The following PRKN variants were observed in gnomAD, a reference collection of about 807,000 sequenced individuals.
The protein encoded by PRKN is E3 ubiquitin-protein ligase parkin.
In PRKN, 56 loss-of-function variants were observed where a neutral mutation model predicts 59.5. That is an observed-to-expected ratio of 0.94 (90% CI 0.76 to 1.18). The LOEUF is 1.18. Among genes scored for constraint, PRKN ranks in the 50% most tolerant of loss-of-function variants. The probability of loss-of-function intolerance (pLI) is 0.00; values close to 1 mark genes in which losing one functional copy is unlikely to be tolerated. For missense variants in PRKN, 657 were observed against 596.4 expected (o/e 1.10, Z -1.06); for synonymous variants, 250 against 222.1 (o/e 1.13, Z -1.12).
chr6:162,558,359 C>T (rs1413584822), intron 1 of PRKN, among the ~76,000 whole-genome samples: 24 of 130,738 alleles, frequency 1.8e-4, no homozygotes, highest in East Asian at 7.4e-4. Flanking sequence ...GACGGAGTTT[C>T]GCTCTTCTTG....
chr6:161,372,825 A>ATTTTTTTT lies in PRKN; in HGVS notation c.1168-12628_1168-12621dup, dbSNP rs11293379. On this transcript the variant is annotated intron_variant, in intron 10 of 11. Coordinates refer to ENST00000366898, the MANE Select transcript of PRKN (RefSeq NM_004562.3). The surrounding 1 kb of genome is among the most constrained non-coding windows in gnomAD (Gnocchi z 4.2). ...TGGTCAACAAAGACAGAGAGACCCT[A>ATTTTTTTT]TTTTTTTTTTTTTTTTTTTTTTGAG... is the stretch of plus-strand genomic sequence containing the variant. 3.5e-5 allele frequency among the ~76,000 whole-genome samples: 4 copies of ATTTTTTTT among 114,440 alleles called. No individual in the cohort carries two copies. The highest frequency in any genetic ancestry group is 5.4e-5 in the Non-Finnish European group (3 of 55,730). The allele number at this position is 114,440 out of a possible 152,430, so 75.1% of individuals were successfully genotyped here. A position where few individuals can be genotyped will look rare whatever the true frequency, so the allele number is the denominator to read the frequency against.
In PRKN at chr6:162,576,810, C is replaced by CAAA. The variant is rs573857313; in HGVS notation, c.8-133340_8-133338dup. On this transcript the variant is annotated intron_variant, in intron 1 of 11. Transcript: ENST00000366898. ...CATGGGTGACAGAGTGAGACTCCGT[C>CAAA]AAAAAAAAAAAAAAAAAAAAAAGGG... Among the ~76,000 whole-genome samples the CAAA allele has an allele frequency of 8.6e-4, 79 of 92,336 alleles. 1 individual carries two copies. The highest frequency in any genetic ancestry group is 6.0e-3 in the Middle Eastern group (1 of 168). 60.6% of individuals were successfully genotyped at this position (92,336 alleles called of 152,430 possible). A position where few individuals can be genotyped will look rare whatever the true frequency, so the allele number is the denominator to read the frequency against.
chr6:161,719,249 T>C (rs1434568956), intron 7 of PRKN, among the ~76,000 whole-genome samples: 2 of 151,878 alleles, frequency 1.3e-5, no homozygotes, highest in Admixed American at 1.3e-4. Context: ...TATTTTTAAG[T>C]ATTTCTCAAG....
intron 7 of PRKN, among the ~76,000 whole-genome samples, chr6:161,727,006 G>A (rs189046417): frequency 6.6e-6 from 1 of 152,094 alleles, no homozygotes; most frequent in African/African-American, 2.4e-5. Context: ...CTGACTTCTC[G>A]GTTCCCCTCT....
At chr6:161,818,617 G>A (rs887987890) in intron 6 of PRKN, among the ~76,000 whole-genome samples, 1 of 152,050 alleles carries the variant, frequency 6.6e-6, no homozygotes, top group Non-Finnish European at 1.5e-5. Flanking sequence ...CTGGGTGTGA[G>A]CCACCGTGCC....
chr6:161,463,853 TC>T lies in PRKN; in HGVS notation c.1084-76977del, dbSNP rs1790324531. Among the ~76,000 whole-genome samples the T allele has an allele frequency of 6.6e-6, 1 of 152,168 alleles. No homozygotes were observed. The highest frequency in any genetic ancestry group is 2.4e-5 in the African/African-American group (1 of 41,446). ...CACCTAAATCCAAGCCCTGCAACTATCCCACAATATTATAGTATTATTCACT... is the reference window on the plus strand; with the variant it reads ...CACCTAAATCCAAGCCCTGCAACTATCCACAATATTATAGTATTATTCACT... On this transcript the variant is annotated intron_variant, in intron 9 of 11. Transcript: ENST00000366898. This position sits in a 1 kb window ranked among gnomAD's most constrained non-coding sequence, Gnocchi z 4.8.
intron 4 of PRKN, among the ~76,000 whole-genome samples, chr6:162,124,811 A>C (rs146648948): frequency 6.6e-6 from 1 of 152,326 alleles, no homozygotes. Context: ...GCAGACGCCA[A>C]GAAGTAACCT....
At chr6:162,143,196 G>C (rs1781863762) in intron 4 of PRKN, among the ~76,000 whole-genome samples, 1 of 152,186 alleles carries the variant, frequency 6.6e-6, no homozygotes, top group Non-Finnish European at 1.5e-5. Flanking sequence ...CACAACACTA[G>C]ATTTCCAAGT....
At chr6:162,487,287 G>GT (rs1009403512) in intron 1 of PRKN, among the ~76,000 whole-genome samples, 3 of 152,044 alleles carry the variant, frequency 2.0e-5, no homozygotes, top group African/African-American at 7.2e-5. Context: ...CAGCCTCTGC[G>GT]TTTTCATTCT....
At chr6:161,505,934 T>C (rs1359590242) in intron 9 of PRKN, among the ~76,000 whole-genome samples, 1 of 151,618 alleles carries the variant, frequency 6.6e-6, no homozygotes, top group Non-Finnish European at 1.5e-5. Flanking sequence ...TGTAGCCTTG[T>C]AGTATAGTTT....
chr6:162,464,764 G>C (rs1791340807), intron 1 of PRKN, among the ~76,000 whole-genome samples: 1 of 151,604 alleles, frequency 6.6e-6, no homozygotes, highest in Admixed American at 6.6e-5. Context: ...AGAAGGCGGA[G>C]CTTGCAGTGA....
chr6:161,573,220 C>T (rs562365664), intron 7 of PRKN, among the ~76,000 whole-genome samples: 1 of 152,250 alleles, frequency 6.6e-6, no homozygotes, highest in South Asian at 2.1e-4. Context: ...CATCAGGGCC[C>T]TGTTCGGATC....
At chr6:161,374,477 G>T (rs1399937232) in intron 10 of PRKN, among the ~76,000 whole-genome samples, 5 of 135,518 alleles carry the variant, frequency 3.7e-5, no homozygotes, top group East Asian at 2.3e-4. Context: ...GTGTGTGATG[G>T]GTGTGTGGTG....
chr6:162,226,643 C>T (rs1778191527), intron 3 of PRKN, among the ~76,000 whole-genome samples: 1 of 152,194 alleles, frequency 6.6e-6, no homozygotes, highest in African/African-American at 2.4e-5. Context: ...AAGCGATTCT[C>T]CTGTCCCAGC....
At chr6:162,353,180 T>C (rs1378108126) in intron 2 of PRKN, among the ~76,000 whole-genome samples, 2 of 152,156 alleles carry the variant, frequency 1.3e-5, no homozygotes, top group East Asian at 3.9e-4. Flanking sequence ...CAGCTTCCCA[T>C]ATTTTCCAAG....
chr6:161,835,710 T>C (rs773789873), intron 6 of PRKN, among the ~76,000 whole-genome samples: 1 of 152,202 alleles, frequency 6.6e-6, no homozygotes, highest in African/African-American at 2.4e-5. Flanking sequence ...AACTGAGTTA[T>C]CCTGTTTCTT....
Position 162,216,999 on chromosome 6 carries a change from T to C in PRKN, c.413-15747A>G, listed in dbSNP as rs147381354. On this transcript the variant is annotated intron_variant, in intron 3 of 11. Transcript: ENST00000366898. ...GCCTGCAATAGACTTAGTTCTACTT[T>C]AATACTTAATTGATATTGCAAACAC... Among the ~76,000 whole-genome samples the C allele has an allele frequency of 6.6e-4, 100 of 152,318 alleles. No individual in the cohort carries two copies. In the East Asian group the frequency reaches 0.015, roughly 23 times the overall value.
chr6:162,467,420 C>T (rs1374436442), intron 1 of PRKN, among the ~76,000 whole-genome samples: 2 of 152,130 alleles, frequency 1.3e-5, no homozygotes, highest in African/African-American at 4.8e-5. Flanking sequence ...ACTCCACCCG[C>T]TCCTCATCCA....
At chr6:161,713,953 A>T (rs1293507601) in intron 7 of PRKN, among the ~76,000 whole-genome samples, 4 of 152,126 alleles carry the variant, frequency 2.6e-5, no homozygotes, top group African/African-American at 4.8e-5. Context: ...TGTCACCATG[A>T]AAGATATGTC....
Sources: gnomAD v4.1 joint callset for allele counts (sites outside exome capture counted in the v4.1 genomes callset) on GRCh38, gnomAD v4.1.1 for gene constraint, Gnocchi (gnomAD v3.1) non-coding constraint, MANE v1.5 for transcripts, NCBI Gene and HGNC (gene_info 2026-07-23, HGNC 2026-07-21) for gene names.